The following SLC25A48 variants were observed in gnomAD, a reference collection of about 807,000 sequenced individuals.
SLC25A48 encodes CTC-321K16.1.
In SLC25A48, 29 loss-of-function variants were observed where a neutral mutation model predicts 32.2. That is an observed-to-expected ratio of 0.90 (90% CI 0.67 to 1.23). The LOEUF (loss-of-function observed/expected upper bound fraction) is 1.23. SLC25A48 is among the 50% of genes most tolerant of loss of function. SLC25A48 has a pLI of 0.00. For missense variants in SLC25A48, 399 were observed against 422.7 expected, an observed-to-expected ratio of 0.94 and a Z score of 0.49; for synonymous variants, 164 against 172.3, an observed-to-expected ratio of 0.95 and a Z score of 0.38.
At chr5:135,710,353 C>T (rs1022994075) in intron 3 of SLC25A48, among the ~76,000 whole-genome samples, 7 of 152,226 alleles carry the variant, frequency 4.6e-5, no homozygotes, top group African/African-American at 1.7e-4. Flanking sequence ...GGCTCCAGCT[C>T]ACTAATATTT....
chr5:135,608,392 C>T (rs138825283), intron 1 of SLC25A48, among the ~76,000 whole-genome samples: 50 of 152,310 alleles, frequency 3.3e-4, no homozygotes, highest in African/African-American at 1.2e-3. Context: ...AGCCTGAGAT[C>T]AGTGCTTGAG....
intron 7 of SLC25A48, among the ~76,000 whole-genome samples, chr5:135,884,937 A>G (rs1352851191): frequency 2.0e-5 from 3 of 152,112 alleles, no homozygotes; most frequent in Non-Finnish European, 4.4e-5. Context: ...GGAGGCATGC[A>G]GAGAGAAGCA....
At chr5:135,829,568 G>T (rs1438096343) in intron 4 of SLC25A48, among the ~76,000 whole-genome samples, 1 of 152,054 alleles carries the variant, frequency 6.6e-6, no homozygotes, top group Non-Finnish European at 1.5e-5. Flanking sequence ...TTGGGGAAGG[G>T]ATGTTTTCCC....
chr5:135,848,693 G>A (rs929030679), intron 2 of SLC25A48, among the ~76,000 whole-genome samples: 4 of 152,134 alleles, frequency 2.6e-5, no homozygotes, highest in Non-Finnish European at 2.9e-5. Flanking sequence ...TTTCTTTACT[G>A]CTGAATTCCC....
chr5:135,864,201 A>G (rs1761020629), intron 4 of SLC25A48, among the ~76,000 whole-genome samples: 1 of 152,116 alleles, frequency 6.6e-6, no homozygotes, highest in Non-Finnish European at 1.5e-5. Context: ...TAAGGCAAAA[A>G]CATTTCTCTA....
chr5:135,801,837 T>G (rs1267790506), intron 3 of SLC25A48, among the ~76,000 whole-genome samples: 2 of 151,730 alleles, frequency 1.3e-5, no homozygotes, highest in Non-Finnish European at 2.9e-5. Context: ...CTCTATCATA[T>G]TGTTCGTATT....
At chr5:135,766,054 T>G (rs749877807) in intron 3 of SLC25A48, among the ~76,000 whole-genome samples, 1 of 151,050 alleles carries the variant, frequency 6.6e-6, no homozygotes, top group Non-Finnish European at 1.5e-5. Flanking sequence ...CCCAAGGATA[T>G]GGTTTATAGT....
At chr5:135,799,498 C>T (rs1264212577) in intron 3 of SLC25A48, among the ~76,000 whole-genome samples, 1 of 151,266 alleles carries the variant, frequency 6.6e-6, no homozygotes, top group Non-Finnish European at 1.5e-5. Flanking sequence ...TTCCCAATAT[C>T]CAGGGGAAAG....
rs1372505897 is a variant in SLC25A48 at position 135,834,799 on chromosome 5, C to CT, written c.-48dup. 5 of 1,544,448 alleles carry CT rather than the reference C, an allele frequency of 3.2e-6. No individual in the cohort carries two copies. The highest frequency in any genetic ancestry group is 4.4e-6 in the Non-Finnish European group (5 of 1,144,160). On this transcript the variant is annotated 5_prime_UTR_variant, in exon 1 of 8. Transcript: ENST00000681962. ...GCCCGCGGGCCATGCCCCACTGACT[C>CT]TAAGTGGGCACTGCCCCGGCTCCGG...
At chr5:135,809,526 G>C (rs11959218) in intron 3 of SLC25A48, among the ~76,000 whole-genome samples, 115,141 of 152,012 alleles carry the variant, frequency 0.76, 44,124 homozygotes, top group Middle Eastern at 0.86. Flanking sequence ...AAAATTTACT[G>C]TTTTTAGTGG....
intron 4 of SLC25A48, among the ~76,000 whole-genome samples, chr5:135,820,186 A>G (rs752171345): frequency 5.9e-5 from 9 of 152,230 alleles, no homozygotes; most frequent in Non-Finnish European, 1.2e-4. Context: ...AGGCTAGATA[A>G]GCAAATTGTG....
At chr5:135,758,145 A>G (rs1755968731) in intron 3 of SLC25A48, among the ~76,000 whole-genome samples, 1 of 150,796 alleles carries the variant, frequency 6.6e-6, no homozygotes, top group Non-Finnish European at 1.5e-5. Context: ...TTAACACACG[A>G]TGATATGAAT....
At chr5:135,639,530 G>A (rs1252680819) in intron 3 of SLC25A48, among the ~76,000 whole-genome samples, 2 of 152,248 alleles carry the variant, frequency 1.3e-5, no homozygotes, top group African/African-American at 4.8e-5. Context: ...TATAGGCGGG[G>A]AGAGTGGCTG....
chr5:135,887,506 A>G (rs1163013616), intron 7 of SLC25A48, among the ~76,000 whole-genome samples: 1 of 151,974 alleles, frequency 6.6e-6, no homozygotes, highest in Non-Finnish European at 1.5e-5. Context: ...ATGTGTGTAT[A>G]TACATATCCC....
intron 3 of SLC25A48, among the ~76,000 whole-genome samples, chr5:135,763,394 A>T (rs1756111926): frequency 6.6e-6 from 1 of 151,898 alleles, no homozygotes; most frequent in South Asian, 2.1e-4. Flanking sequence ...TGCCATGTCT[A>T]CCCACAGCCC....
intron 3 of SLC25A48, among the ~76,000 whole-genome samples, chr5:135,730,510 CT>C (rs1755198768): frequency 6.6e-6 from 1 of 152,194 alleles, no homozygotes; most frequent in Non-Finnish European, 1.5e-5. Context: ...AAACCTCTTT[CT>C]TTTATAAATT....
intron 3 of SLC25A48, among the ~76,000 whole-genome samples, chr5:135,643,290 T>G (rs1470683243): frequency 6.6e-6 from 1 of 152,176 alleles, no homozygotes; most frequent in Non-Finnish European, 1.5e-5. Flanking sequence ...TCCTTGTGTG[T>G]TTTCAGCCCT....
At chr5:135,624,234 G>A (rs1165114758) in intron 1 of SLC25A48, among the ~76,000 whole-genome samples, 2 of 152,170 alleles carry the variant, frequency 1.3e-5, no homozygotes, top group Admixed American at 6.5e-5. Context: ...GTGATGGGGT[G>A]GGGCACAGTG....
chr5:135,585,430 G>A (rs1751341596), intron 1 of SLC25A48, among the ~76,000 whole-genome samples: 1 of 152,168 alleles, frequency 6.6e-6, no homozygotes, highest in Admixed American at 6.5e-5. Context: ...GGTAGGAGAG[G>A]CACCTGCTGT....
Sources: allele counts gnomAD v4.1 joint callset (sites outside exome capture counted in the v4.1 genomes callset), GRCh38; gene constraint gnomAD v4.1.1; transcripts MANE v1.5; gene names NCBI Gene and HGNC (gene_info 2026-07-23, HGNC 2026-07-21).